STOX1: variants seen among roughly 807,000 people sequenced by gnomAD.
The protein encoded by STOX1 is storkhead-box protein 1.
STOX1 carries 57 observed loss-of-function variants against 74.8 expected under a neutral mutation model. The observed-to-expected ratio is 0.76, with a 90% confidence interval of 0.62 to 0.95. The LOEUF (loss-of-function observed/expected upper bound fraction) is 0.95, where lower values mean the gene tolerates loss of function less well. STOX1 is among the 40% of genes least tolerant of loss of function. STOX1 has a pLI of 0.00. For missense variants in STOX1, 1,010 were observed against 1,117.0 expected, an observed-to-expected ratio of 0.90 and a Z score of 1.37; for synonymous variants, 375 against 401.3, an observed-to-expected ratio of 0.93 and a Z score of 0.78.
At chr10:68,842,728 AT>A (rs11332700) in intron 1 of STOX1, among the ~76,000 whole-genome samples, 34,870 of 151,494 alleles carry the variant, frequency 0.23, 4,113 homozygotes, top group South Asian at 0.32. Flanking sequence ...TTTAGTAGAG[AT>A]GGAATTTCAC....
intron 1 of STOX1, among the ~76,000 whole-genome samples, chr10:68,832,588 C>G (rs964235719): frequency 1.5e-4 from 22 of 151,422 alleles, no homozygotes; most frequent in African/African-American, 5.1e-4. Flanking sequence ...CAGGAGAACC[C>G]GGGAGGCAGA....
chr10:68,855,245 C>T (rs1162688223), intron 1 of STOX1, among the ~76,000 whole-genome samples: 5 of 149,622 alleles, frequency 3.3e-5, no homozygotes, highest in Admixed American at 2.0e-4. Context: ...CTCAGCCTCC[C>T]GAGTAGCTGG....
At chr10:68,833,253 G>GT in intron 1 of STOX1, among the ~76,000 whole-genome samples, 1 of 151,942 alleles carries the variant, frequency 6.6e-6, no homozygotes, top group East Asian at 1.9e-4. Context: ...GCCCGGCTAA[G>GT]TTTTTTTGTA....
chr10:68,855,276 A>G (rs1246281923), intron 1 of STOX1, among the ~76,000 whole-genome samples: 1 of 151,472 alleles, frequency 6.6e-6, no homozygotes, highest in Non-Finnish European at 1.5e-5. Flanking sequence ...ATGCACCACC[A>G]CACCCAGCTA....
intron 1 of STOX1, among the ~76,000 whole-genome samples, chr10:68,881,022 C>A (rs970823013): frequency 3.9e-5 from 6 of 152,104 alleles, no homozygotes; most frequent in African/African-American, 1.4e-4. Context: ...TAGATTGTTT[C>A]TTAGTTTGAT....
At chr10:68,873,679 C>T (rs368579519) in intron 1 of STOX1, among the ~76,000 whole-genome samples, 5 of 114,280 alleles carry the variant, frequency 4.4e-5, no homozygotes, top group African/African-American at 1.3e-4. Context: ...TTTTTTGAGA[C>T]GGAGTCTCGC....
At chr10:68,889,398 A>G (rs1841046129) in intron 3 of STOX1, among the ~76,000 whole-genome samples, 1 of 152,080 alleles carries the variant, frequency 6.6e-6, no homozygotes, top group Non-Finnish European at 1.5e-5. Context: ...GGATTCAACC[A>G]TCCTCTTGCC....
intron 3 of STOX1, among the ~76,000 whole-genome samples, chr10:68,887,778 A>G (rs1208977497): frequency 2.0e-5 from 3 of 150,748 alleles, no homozygotes; most frequent in Non-Finnish European, 3.0e-5. Flanking sequence ...ATTTTTTAGT[A>G]GAGACGGGGT....
At chr10:68,828,179 C>T in intron 1 of STOX1, 8 of 769,514 alleles carry the variant, frequency 1.0e-5, no homozygotes, top group Non-Finnish European at 1.1e-5. Flanking sequence ...GCTGCTGGTG[C>T]GCGCGCCCCC....
intron 1 of STOX1, among the ~76,000 whole-genome samples, chr10:68,851,368 AAACTT>A (rs1417935948): frequency 1.3e-5 from 2 of 152,066 alleles, no homozygotes; most frequent in Admixed American, 6.6e-5. Flanking sequence ...TTCTAAGAGT[AAACTT>A]AATTGTGTTT....
Position 68,884,591 on chromosome 10 carries a change from T to A in STOX1, c.795T>A (p.Thr265=). The A allele has an allele frequency of 6.2e-7, 1 of 1,613,798 alleles. No individual in the cohort carries two copies. Among genetic ancestry groups the A allele is most frequent in the Non-Finnish European group, 8.5e-7 (1 of 1,180,036 alleles). ...VQEAPVAAEV[T]RKSHRGLGES... ...AAGCACCAGTTGCTGCAGAAGTGAC[T>A]AGGAAGAGTCACAGAGGTCTTGGGG... Residue 265 remains threonine, a synonymous_variant, in exon 3 of 4, where the codon ACT becomes ACA. Transcript: ENST00000298596.
In STOX1 at chr10:68,884,512, C is replaced by T. The variant is rs763593072; in HGVS notation, c.716C>T (p.Ser239Phe). ...GCCCAAGAGAATGCTGCCCCCATAT[C>T]CCACTGTCAGTCTTGCCAGTGTTTC... is the stretch of plus-strand genomic sequence containing the variant. ...ESAQENAAPI[S>F]HCQSCQCFRD... The change falls in exon 3 of 4, where the codon TCC (serine) becomes TTC (phenylalanine). Residue 239 changes from serine to phenylalanine, a missense_variant. By Grantham distance (155) the Ser-to-Phe change is radical (BLOSUM62 -2). Transcript: ENST00000298596. 6.2e-6 allele frequency: 10 copies of T among 1,613,798 alleles called. No homozygotes were observed. Among genetic ancestry groups the T allele is most frequent in the African/African-American group, 2.7e-5 (2 of 75,034 alleles).
At chr10:68,852,724 A>G (rs1351194366) in intron 1 of STOX1, among the ~76,000 whole-genome samples, 1 of 151,720 alleles carries the variant, frequency 6.6e-6, no homozygotes, top group East Asian at 2.0e-4. Context: ...CTGGGACTAC[A>G]GGCACATGCC....
At position 68,885,756 on chromosome 10, in the gene STOX1, T is replaced by C; in HGVS notation, c.1960T>C (p.Ser654Pro). ...TGCCTCCTTTTCAGACCGAACACCC[T>C]CTGCTTGTAGATTAGTGGATAACAC... ...RGASFSDRTPSACRLVDNTIH... is the reference protein window; with the variant it reads ...RGASFSDRTPPACRLVDNTIH... Residue 654 changes from serine to proline, a missense_variant, in exon 3 of 4, where the codon TCT (serine) becomes CCT (proline). Coordinates refer to ENST00000298596, the MANE Select transcript of STOX1 (RefSeq NM_152709.5). The C allele has an allele frequency of 1.2e-6, 2 of 1,614,172 alleles. No homozygotes were observed. The highest frequency in any genetic ancestry group is 1.7e-6 in the Non-Finnish European group (2 of 1,180,038).
intron 1 of STOX1, among the ~76,000 whole-genome samples, chr10:68,878,274 G>T (rs1466860809): frequency 6.6e-6 from 1 of 152,118 alleles, no homozygotes; most frequent in Admixed American, 6.5e-5. Flanking sequence ...GGTTGAGTGG[G>T]GAGATGAAAG....
At chr10:68,856,975 A>G (rs1840140605) in intron 1 of STOX1, among the ~76,000 whole-genome samples, 1 of 152,068 alleles carries the variant, frequency 6.6e-6, no homozygotes, top group African/African-American at 2.4e-5. Flanking sequence ...AATCCTCCTA[A>G]CCAACTACAG....
In STOX1 at chr10:68,868,382, A is replaced by G. The variant is rs1840459518; in HGVS notation, c.311-13576A>G. ...CTGACTAGTTATCTGCAGCAGGAAC[A>G]TGTCCTTAAGGCACAGATCGCTCAT... On this transcript the variant is annotated intron_variant, in intron 1 of 3. Transcript: ENST00000298596. Among the ~76,000 whole-genome samples, 5 of 152,284 alleles carry G rather than the reference A, an allele frequency of 3.3e-5. No homozygotes were observed. The South Asian group carries it at 6.2e-4, about 19-fold the overall frequency.
rs752665732 is a variant in STOX1 at position 68,885,156 on chromosome 10, A to G, written c.1360A>G (p.Lys454Glu). 44 of 1,613,938 alleles carry G rather than the reference A, an allele frequency of 2.7e-5. No individual in the cohort carries two copies. In the East Asian group the frequency reaches 4.9e-4, roughly 18 times the overall value. The change falls in exon 3 of 4, where the codon AAG becomes GAG. Residue 454 changes from lysine to glutamate, a missense_variant. Lys to Glu is a moderately conservative substitution (Grantham distance 56). Transcript: ENST00000298596. ...PGSIRLEKHPKLPATQPIPRI... is the reference protein window; with the variant it reads ...PGSIRLEKHPELPATQPIPRI... ...AAGCATTAGACTGGAGAAACACCCC[A>G]AGCTCCCTGCTACACAGCCCATCCC...
chr10:68,834,120 G>A (rs993710643), intron 1 of STOX1, among the ~76,000 whole-genome samples: 2 of 152,176 alleles, frequency 1.3e-5, no homozygotes, highest in African/African-American at 4.8e-5. Context: ...GGGAAGTGAT[G>A]GGAGGATCTT....
Sources: allele counts gnomAD v4.1 joint callset (sites outside exome capture counted in the v4.1 genomes callset), GRCh38; gene constraint gnomAD v4.1.1; transcripts MANE v1.5; gene names NCBI Gene and HGNC (gene_info 2026-07-23, HGNC 2026-07-21).